CPED1: variants seen among roughly 807,000 people sequenced by gnomAD.
The protein encoded by CPED1 is cadherin-like and PC-esterase domain-containing protein 1.
Under a neutral mutation model 128.2 loss-of-function variants are expected in CPED1, and 114 were observed. That is an observed-to-expected ratio of 0.89 (90% CI 0.76 to 1.04). The LOEUF is 1.04. Among genes scored for constraint, CPED1 ranks in the 50% least tolerant of loss-of-function variants. The probability of loss-of-function intolerance (pLI) is 0.00; values close to 1 mark genes in which losing one functional copy is unlikely to be tolerated. For missense variants in CPED1, 1,211 were observed against 1,207.1 expected (o/e 1.00, Z -0.05); for synonymous variants, 462 against 426.7 (o/e 1.08, Z -1.02).
rs568479884 is a variant in CPED1 at position 121,229,420 on chromosome 7, A to G, written c.2056-7294A>G. ...AGGATGTGTTATCTTGCTTCTCAGCATATGTCTAAGAAATCAGTCTTCTTG... is the reference window on the plus strand; with the variant it reads ...AGGATGTGTTATCTTGCTTCTCAGCGTATGTCTAAGAAATCAGTCTTCTTG... On this transcript the variant is annotated intron_variant, in intron 16 of 22. Transcript: ENST00000310396. Among the ~76,000 whole-genome samples, 12 of 152,152 alleles carry G rather than the reference A, an allele frequency of 7.9e-5. No homozygotes were observed. The South Asian group carries it at 2.5e-3, about 32-fold the overall frequency.
chr7:121,072,203 T>C (rs1274304030), intron 5 of CPED1, among the ~76,000 whole-genome samples: 1 of 139,620 alleles, frequency 7.2e-6, no homozygotes. Flanking sequence ...AAAAAAAACA[T>C]GGGAGTAAAT....
At chr7:121,056,942 G>A (rs1292794961) in intron 4 of CPED1, among the ~76,000 whole-genome samples, 1 of 151,636 alleles carries the variant, frequency 6.6e-6, no homozygotes. Context: ...CTCTCTTCTC[G>A]TTATTTGAAA....
intron 16 of CPED1, among the ~76,000 whole-genome samples, chr7:121,205,713 G>A (rs1797501116): frequency 6.6e-6 from 1 of 151,962 alleles, no homozygotes; most frequent in African/African-American, 2.4e-5. Flanking sequence ...TACAAGGTTT[G>A]AGCTAACATT....
chr7:121,271,491 C>G, intron 22 of CPED1, 61 bp downstream of exon 22: 1 of 1,488,176 alleles, frequency 6.7e-7, no homozygotes, highest in Non-Finnish European at 9.3e-7. Context: ...TTTGTTGTAT[C>G]TTTAATTGTA....
intron 7 of CPED1, among the ~76,000 whole-genome samples, chr7:121,101,918 G>A (rs964439194): frequency 2.0e-5 from 3 of 152,066 alleles, no homozygotes; most frequent in South Asian, 2.1e-4. Flanking sequence ...CAACATTGGG[G>A]ATCATATTTC....
intron 6 of CPED1, among the ~76,000 whole-genome samples, chr7:121,098,809 TAA>T (rs1563024936): frequency 7.1e-6 from 1 of 141,518 alleles, no homozygotes; most frequent in African/African-American, 2.7e-5. Context: ...TATAAATATA[TAA>T]ATAATATATA....
intron 4 of CPED1, among the ~76,000 whole-genome samples, chr7:121,060,003 C>A (rs1258824634): frequency 2.6e-5 from 4 of 152,092 alleles, no homozygotes; most frequent in African/African-American, 9.7e-5. Flanking sequence ...GGGCTGCGCG[C>A]GGCGCTTGCG....
intron 4 of CPED1, among the ~76,000 whole-genome samples, chr7:121,059,891 C>A (rs1174826923): frequency 2.6e-5 from 4 of 152,240 alleles, no homozygotes; most frequent in African/African-American, 9.6e-5. Context: ...GCCCTTCAGC[C>A]CACTGCTGCA....
chr7:121,125,541 A>T (rs1795481950), intron 8 of CPED1, among the ~76,000 whole-genome samples: 1 of 151,830 alleles, frequency 6.6e-6, no homozygotes. Context: ...ATTACCATTT[A>T]TGAGTGAGAA....
At chr7:121,098,722 C>G (rs1794757886) in intron 6 of CPED1, among the ~76,000 whole-genome samples, 1 of 127,094 alleles carries the variant, frequency 7.9e-6, no homozygotes, top group African/African-American at 3.0e-5. Flanking sequence ...ACAGCAAGAC[C>G]TTGTCTCAAA....
intron 7 of CPED1, among the ~76,000 whole-genome samples, chr7:121,105,177 TGTACAAGA>T (rs1794945261): frequency 1.3e-5 from 2 of 152,138 alleles, no homozygotes; most frequent in Non-Finnish European, 2.9e-5. Flanking sequence ...AATGGTGTTA[TGTACAAGA>T]TTCCTTTTAA....
At chr7:121,036,517 TC>T (rs374087853) in intron 3 of CPED1, among the ~76,000 whole-genome samples, 14,501 of 134,350 alleles carry the variant, frequency 0.11, 982 homozygotes, top group East Asian at 0.18. Context: ...ATTTTTTTTT[TC>T]TTTCTTTATC....
chr7:121,201,306 C>A (rs1330539098), intron 16 of CPED1, among the ~76,000 whole-genome samples: 1 of 152,082 alleles, frequency 6.6e-6, no homozygotes, highest in Non-Finnish European at 1.5e-5. Flanking sequence ...GTGGCACACA[C>A]CTATAATTGC....
intron 16 of CPED1, among the ~76,000 whole-genome samples, chr7:121,148,243 C>T (rs1796070906): frequency 6.6e-6 from 1 of 152,018 alleles, no homozygotes; most frequent in Non-Finnish European, 1.5e-5. Context: ...TATTAAGTAC[C>T]CACTATGCAC....
chr7:121,081,439 A>G (rs1794291952), intron 5 of CPED1, among the ~76,000 whole-genome samples: 1 of 152,184 alleles, frequency 6.6e-6, no homozygotes, highest in African/African-American at 2.4e-5. Flanking sequence ...ATTATATAGA[A>G]AACCCCATTC....
At position 121,097,756 on chromosome 7, in the gene CPED1, C is replaced by T. The variant is rs146048349; in HGVS notation, c.674C>T (p.Pro225Leu). Residue 225 changes from proline to leucine, a missense_variant, in exon 6 of 23, where the codon CCG (proline) becomes CTG (leucine). Physicochemically the swap from Pro to Leu is moderately conservative, Grantham distance 98. Transcript: ENST00000310396. ...VCLDQGMQLK[P>L]STSSHLLKTV... ...CTGGATCAGGGAATGCAATTAAAGC[C>T]GAGTACTTCGAGTCACCTTTTAAAA... The T allele has an allele frequency of 4.2e-5, 68 of 1,613,798 alleles. No individual in the cohort carries two copies. In the East Asian group the frequency reaches 4.7e-4, roughly 11 times the overall value.
intron 2 of CPED1, among the ~76,000 whole-genome samples, chr7:121,014,371 T>C (rs1278961714): frequency 2.0e-5 from 3 of 152,026 alleles, no homozygotes; most frequent in Admixed American, 6.5e-5. Flanking sequence ...GCTAACAAGG[T>C]GAAACCCCAT....
intron 16 of CPED1, among the ~76,000 whole-genome samples, chr7:121,199,731 A>C (rs1157200906): frequency 6.6e-6 from 1 of 151,592 alleles, no homozygotes; most frequent in African/African-American, 2.4e-5. Flanking sequence ...AGAAAAATAC[A>C]AATATAGAAA....
intron 17 of CPED1, among the ~76,000 whole-genome samples, chr7:121,238,930 A>C (rs889588816): frequency 2.0e-5 from 3 of 151,926 alleles, no homozygotes; most frequent in Non-Finnish European, 2.9e-5. Context: ...CCAAGATCCA[A>C]CCTCCCTCCC....
Sources: gnomAD v4.1 joint callset for allele counts (sites outside exome capture counted in the v4.1 genomes callset) on GRCh38, gnomAD v4.1.1 for gene constraint, MANE v1.5 for transcripts, NCBI Gene and HGNC (gene_info 2026-07-23, HGNC 2026-07-21) for gene names.